Variants in KIF6 observed in about 807,000 individuals in gnomAD.
KIF6 encodes kinesin family member 6.
In KIF6, 106 loss-of-function variants were observed where a neutral mutation model predicts 112.7. The observed-to-expected ratio is 0.94, with a 90% CI of 0.80 to 1.11. The LOEUF (loss-of-function observed/expected upper bound fraction) is 1.11, where lower values mean the gene tolerates loss of function less well. Among genes scored for constraint, KIF6 ranks in the 50% least tolerant of loss-of-function variants. The pLI is 0.00. For synonymous variants in KIF6, 339 were observed against 339.9 expected, an observed-to-expected ratio of 1.00 and a Z score of 0.03; for missense variants, 929 against 964.0, an observed-to-expected ratio of 0.96 and a Z score of 0.48.
At chr6:39,464,323 A>T (rs1237031007) in intron 13 of KIF6, among the ~76,000 whole-genome samples, 1 of 152,180 alleles carries the variant, frequency 6.6e-6, no homozygotes, top group Admixed American at 6.5e-5. Context: ...AAACATATTT[A>T]TTTTGGCTGC....
intron 10 of KIF6, among the ~76,000 whole-genome samples, chr6:39,567,547 A>T (rs1475167173): frequency 2.6e-5 from 4 of 152,208 alleles, no homozygotes; most frequent in Non-Finnish European, 5.9e-5. Flanking sequence ...ATTCATCCTC[A>T]TGAACTGAAA....
intron 13 of KIF6, among the ~76,000 whole-genome samples, chr6:39,450,116 G>A (rs977800962): frequency 1.3e-5 from 2 of 152,256 alleles, no homozygotes; most frequent in Non-Finnish European, 1.5e-5. Context: ...GGTGGCTAGT[G>A]AGAGCCACTC....
intron 5 of KIF6, among the ~76,000 whole-genome samples, chr6:39,624,665 T>G (rs1201107653): frequency 6.6e-6 from 1 of 152,190 alleles, no homozygotes; most frequent in African/African-American, 2.4e-5. Flanking sequence ...GTGTATGCAT[T>G]TGTTCATACA....
intron 15 of KIF6, among the ~76,000 whole-genome samples, chr6:39,388,209 T>C (rs2150318112): frequency 6.6e-6 from 1 of 152,216 alleles, no homozygotes; most frequent in South Asian, 2.1e-4. Flanking sequence ...GTAGGTGTGC[T>C]CAACCTGGTA....
At chr6:39,362,326 G>C (rs1166510258) in intron 17 of KIF6, 108 bp downstream of exon 17, 3 of 830,150 alleles carry the variant, frequency 3.6e-6, no homozygotes, top group African/African-American at 3.4e-5. Context: ...CTAGGATCCA[G>C]CTGCTGGACC....
At chr6:39,348,298 G>A (rs146308045) in intron 19 of KIF6, among the ~76,000 whole-genome samples, 1 of 152,196 alleles carries the variant, frequency 6.6e-6, no homozygotes, top group African/African-American at 2.4e-5. Flanking sequence ...AAAGGTGGGA[G>A]GGGGTGGAAG....
In KIF6 at chr6:39,452,361, T is replaced by A. The variant is rs532401091; in HGVS notation, c.1646-21200A>T. ...GGATGCTCCAGGACCTAGTTAACTTTAGCTGGTATGGCTTGGTAGTGACCA... is the reference window on the plus strand; with the variant it reads ...GGATGCTCCAGGACCTAGTTAACTTAAGCTGGTATGGCTTGGTAGTGACCA... On this transcript the variant is annotated intron_variant, in intron 13 of 22. Coordinates refer to ENST00000287152, the MANE Select transcript of KIF6 (RefSeq NM_145027.6). Among the ~76,000 whole-genome samples the A allele has an allele frequency of 2.6e-5, 4 of 152,368 alleles. No individual in the cohort carries two copies. The South Asian group carries it at 6.2e-4, about 24-fold the overall frequency.
intron 3 of KIF6, among the ~76,000 whole-genome samples, chr6:39,676,135 A>T (rs1787125844): frequency 6.6e-6 from 1 of 152,048 alleles, no homozygotes; most frequent in Non-Finnish European, 1.5e-5. Flanking sequence ...TAGGAAGCAC[A>T]ATTAGTTCCA....
chr6:39,478,700 AT>A (rs796482220), intron 13 of KIF6, among the ~76,000 whole-genome samples: 21,003 of 106,104 alleles, frequency 0.2, 2,465 homozygotes, highest in African/African-American at 0.4. Flanking sequence ...GACAACATCT[AT>A]TTTTTTTTTT....
chr6:39,372,416 A>T (rs776384540), intron 16 of KIF6, among the ~76,000 whole-genome samples: 21 of 152,330 alleles, frequency 1.4e-4, no homozygotes, highest in Non-Finnish European at 3.1e-4. Flanking sequence ...CCTTTAAGTA[A>T]AATGATCCTG....
At chr6:39,398,037 G>A (rs528506128) in intron 15 of KIF6, among the ~76,000 whole-genome samples, 1 of 152,286 alleles carries the variant, frequency 6.6e-6, no homozygotes, top group Admixed American at 6.5e-5. Flanking sequence ...GCGTCCAAGG[G>A]ATAGTAAATG....
At chr6:39,575,434 C>T (rs967628334) in intron 10 of KIF6, among the ~76,000 whole-genome samples, 3 of 152,024 alleles carry the variant, frequency 2.0e-5, no homozygotes, top group Non-Finnish European at 4.4e-5. Context: ...CCACACCCGG[C>T]TAATTTTTTT....
chr6:39,556,613 G>C (rs1277848183), intron 10 of KIF6, among the ~76,000 whole-genome samples: 1 of 152,132 alleles, frequency 6.6e-6, no homozygotes, highest in Non-Finnish European at 1.5e-5. Context: ...CAAGTCTGAG[G>C]ATCAAGGAAT....
intron 3 of KIF6, among the ~76,000 whole-genome samples, chr6:39,645,090 A>T (rs1226099692): frequency 6.6e-6 from 1 of 152,180 alleles, no homozygotes; most frequent in East Asian, 1.9e-4. Context: ...CTAATATGTA[A>T]ATAAATCAAC....
intron 15 of KIF6, among the ~76,000 whole-genome samples, chr6:39,408,744 G>C (rs928325043): frequency 1.3e-5 from 2 of 152,062 alleles, no homozygotes; most frequent in East Asian, 3.9e-4. Flanking sequence ...ATTGGTAGTA[G>C]GTGAGAGAAA....
chr6:39,432,770 C>T (rs1011849925), intron 13 of KIF6, among the ~76,000 whole-genome samples: 2 of 152,160 alleles, frequency 1.3e-5, no homozygotes, highest in Admixed American at 1.3e-4. Context: ...TTCCCCTGTC[C>T]GGGTCTGCAC....
At chr6:39,628,241 T>C (rs1032743708) in intron 5 of KIF6, among the ~76,000 whole-genome samples, 1 of 151,896 alleles carries the variant, frequency 6.6e-6, no homozygotes. Context: ...CTTGTACTCA[T>C]TTACGTGTGT....
intron 10 of KIF6, among the ~76,000 whole-genome samples, chr6:39,575,487 G>C (rs1372391881): frequency 6.6e-6 from 1 of 152,020 alleles, no homozygotes; most frequent in Non-Finnish European, 1.5e-5. Flanking sequence ...GGCCAGGATG[G>C]TCTCGATCTC....
chr6:39,419,919 A>G (rs939948521), intron 15 of KIF6, 29 bp downstream of exon 15: 1 of 1,586,534 alleles, frequency 6.3e-7, no homozygotes, highest in Non-Finnish European at 8.7e-7. Flanking sequence ...TGGTTTCTGA[A>G]AGAGGCTCAC....
Sources: allele counts gnomAD v4.1 joint callset (sites outside exome capture counted in the v4.1 genomes callset), GRCh38; gene constraint gnomAD v4.1.1; transcripts MANE v1.5; gene names NCBI Gene and HGNC (gene_info 2026-07-23, HGNC 2026-07-21).